DACH2: variants seen among roughly 807,000 people sequenced by gnomAD.
The protein encoded by DACH2 is dachshund family transcription factor 2, also known as dachshund homolog 2.
In DACH2, 17 loss-of-function variants were observed where a neutral mutation model predicts 35.8. That is an observed-to-expected ratio of 0.48 (90% CI 0.33 to 0.71). DACH2 has a LOEUF of 0.71. Among genes scored for constraint, DACH2 ranks in the 30% least tolerant of loss-of-function variants. The probability of loss-of-function intolerance (pLI) is 0.02; values close to 1 mark genes in which losing one functional copy is unlikely to be tolerated. For missense variants in DACH2, 469 were observed against 472.7 expected (o/e 0.99, Z 0.07); for synonymous variants, 195 against 177.3 (o/e 1.10, Z -0.79).
At chrX:86,695,314 T>A in intron 5 of DACH2, 135 bp downstream of exon 5, 1 of 466,902 alleles carries the variant, frequency 2.1e-6, no homozygotes, top group Non-Finnish European at 3.2e-6. Context: ...GAAGGGGAGG[T>A]AAAGAAGGAC....
intron 1 of DACH2, among the ~76,000 whole-genome samples, chrX:86,337,268 A>T (rs1323721033): frequency 9.0e-6 from 1 of 111,566 alleles, no homozygotes; most frequent in Non-Finnish European, 1.9e-5. Flanking sequence ...TCCAAGACAC[A>T]TAATTCTCAG....
intron 1 of DACH2, among the ~76,000 whole-genome samples, chrX:86,254,244 A>C (rs188080190): frequency 2.1e-4 from 24 of 111,961 alleles, no homozygotes; most frequent in Admixed American, 2.1e-3. Context: ...ATTAAAGATC[A>C]TCCTACAGAG....
intron 2 of DACH2, among the ~76,000 whole-genome samples, chrX:86,416,026 G>A (rs57731825): frequency 0.088 from 9,810 of 111,587 alleles, 1,074 homozygotes; most frequent in African/African-American, 0.3. Context: ...GCAACATATT[G>A]CTAATTTATA....
chrX:86,720,515 T>G (rs749177852), intron 6 of DACH2, among the ~76,000 whole-genome samples: 1 of 112,071 alleles, frequency 8.9e-6, no homozygotes, highest in African/African-American at 3.2e-5. Flanking sequence ...ACAATATTCT[T>G]TGACTCCATA....
chrX:86,163,685 T>C (rs2030845035), intron 1 of DACH2, among the ~76,000 whole-genome samples: 1 of 111,724 alleles, frequency 9.0e-6, no homozygotes, highest in South Asian at 3.7e-4. Context: ...GAATATGTGG[T>C]ATTTGGTTTT....
At chrX:86,818,907 A>G (rs901149867) in intron 11 of DACH2, among the ~76,000 whole-genome samples, 52 of 109,620 alleles carry the variant, frequency 4.7e-4, no homozygotes, top group African/African-American at 1.7e-3. Context: ...CAAAAAAGTA[A>G]TATCCAGTTT....
intron 6 of DACH2, among the ~76,000 whole-genome samples, chrX:86,737,410 A>G (rs1359903996): frequency 8.9e-6 from 1 of 112,166 alleles, no homozygotes; most frequent in Non-Finnish European, 1.9e-5. Context: ...TACATTTAAA[A>G]TTATTGCTAT....
chrX:86,710,888 C>T (rs189570259), intron 5 of DACH2, among the ~76,000 whole-genome samples: 1 of 111,782 alleles, frequency 8.9e-6, no homozygotes, highest in East Asian at 2.8e-4. Flanking sequence ...GTACTTGTAT[C>T]AAGGGATTAA....
chrX:86,317,232 C>A (rs189102449), intron 1 of DACH2, among the ~76,000 whole-genome samples: 2 of 111,133 alleles, frequency 1.8e-5, no homozygotes, highest in East Asian at 5.7e-4. Flanking sequence ...TACCTGTGAA[C>A]CATTTAGATG....
chrX:86,636,748 A>C (rs1394951811), intron 3 of DACH2, among the ~76,000 whole-genome samples: 1 of 111,222 alleles, frequency 9.0e-6, no homozygotes, highest in Non-Finnish European at 1.9e-5. Context: ...ACCCCAAACT[A>C]TAAAAACCCT....
chrX:86,667,114 G>A (rs1410789659), intron 4 of DACH2, among the ~76,000 whole-genome samples: 1 of 100,476 alleles, frequency 1.0e-5, no homozygotes, highest in African/African-American at 3.7e-5. Context: ...AAATTAGCCT[G>A]GCGTGGTGGT....
At chrX:86,357,492 A>G (rs188849241) in intron 1 of DACH2, among the ~76,000 whole-genome samples, 11 of 112,426 alleles carry the variant, frequency 9.8e-5, no homozygotes, top group African/African-American at 3.5e-4. Flanking sequence ...ACATAGAGAT[A>G]AATGTATTCC....
intron 2 of DACH2, among the ~76,000 whole-genome samples, chrX:86,474,314 T>C (rs963221991): frequency 1.8e-5 from 2 of 111,602 alleles, no homozygotes; most frequent in Non-Finnish European, 3.8e-5. Context: ...ATTTTGTGGG[T>C]TGTGTCTTTG....
chrX:86,421,088 G>C (rs1210517878), intron 2 of DACH2, among the ~76,000 whole-genome samples: 1 of 111,516 alleles, frequency 9.0e-6, no homozygotes, highest in African/African-American at 3.3e-5. Flanking sequence ...ATGCACAAAA[G>C]CACACAATAC....
intron 11 of DACH2, 71 bp downstream of exon 11, chrX:86,816,170 G>A: frequency 3.0e-6 from 2 of 657,088 alleles, no homozygotes; most frequent in South Asian, 4.7e-5. Flanking sequence ...TGGGGATGAG[G>A]TGGGGATGAG....
At chrX:86,529,688 G>A (rs917500256) in intron 3 of DACH2, among the ~76,000 whole-genome samples, 27 of 107,323 alleles carry the variant, frequency 2.5e-4, no homozygotes, top group African/African-American at 9.2e-4. Context: ...TAGCCAGGAT[G>A]GTCTCAATCT....
chrX:86,633,381 A>C (rs1266415987), intron 3 of DACH2, among the ~76,000 whole-genome samples: 1 of 111,593 alleles, frequency 9.0e-6, no homozygotes, highest in Non-Finnish European at 1.9e-5. Flanking sequence ...GTAAATATAC[A>C]ACCTCCAAAT....
At chrX:86,640,674 G>A (rs1354049468) in intron 3 of DACH2, among the ~76,000 whole-genome samples, 1 of 110,991 alleles carries the variant, frequency 9.0e-6, no homozygotes, top group Non-Finnish European at 1.9e-5. Context: ...ACTACAGCAA[G>A]CACTCAAGGG....
chrX:86,410,378 C>T (rs780094170), intron 2 of DACH2, among the ~76,000 whole-genome samples: 13 of 111,836 alleles, frequency 1.2e-4, no homozygotes, highest in Non-Finnish European at 1.7e-4. Context: ...AAAAATAATG[C>T]TTTGCTAGAA....
Sources: gnomAD v4.1 joint callset for allele counts (sites outside exome capture counted in the v4.1 genomes callset) on GRCh38, gnomAD v4.1.1 for gene constraint, MANE v1.5 for transcripts, NCBI Gene and HGNC (gene_info 2026-07-23, HGNC 2026-07-21) for gene names.